The following PTPRD variants were observed in gnomAD, a reference collection of about 807,000 sequenced individuals.
The protein encoded by PTPRD is protein tyrosine phosphatase receptor type D.
In PTPRD, 34 loss-of-function variants were observed where a neutral mutation model predicts 214.5. The observed-to-expected ratio is 0.16, with a 90% CI of 0.12 to 0.21. PTPRD has a LOEUF of 0.21. Among genes scored for constraint, PTPRD ranks in the 10% least tolerant of loss-of-function variants. The pLI is 1.00. For synonymous variants in PTPRD, 1,128 were observed against 845.7 expected (o/e 1.33, Z -5.79); for missense variants, 2,545 against 2,398.7 (o/e 1.06, Z -1.27).
chr9:8,759,551 C>T (rs2154474676), intron 11 of PTPRD, among the ~76,000 whole-genome samples: 1 of 151,776 alleles, frequency 6.6e-6, no homozygotes, highest in Non-Finnish European at 1.5e-5. Context: ...CACTGTCAAT[C>T]TTACTCTGTT....
At chr9:9,351,866 G>C (rs2051311758) in intron 9 of PTPRD, among the ~76,000 whole-genome samples, 2 of 151,970 alleles carry the variant, frequency 1.3e-5, no homozygotes, top group African/African-American at 2.4e-5. Flanking sequence ...CCGTCCATTG[G>C]AGATAACATG....
chr9:10,579,735 T>C (rs1401744856), intron 2 of PTPRD, among the ~76,000 whole-genome samples: 1 of 152,200 alleles, frequency 6.6e-6, no homozygotes, highest in African/African-American at 2.4e-5. Flanking sequence ...TCAATGTGTA[T>C]AACTGTTCCC....
intron 5 of PTPRD, among the ~76,000 whole-genome samples, chr9:9,893,297 T>A (rs1487332866): frequency 6.6e-6 from 1 of 151,956 alleles, no homozygotes; most frequent in Admixed American, 6.6e-5. Context: ...AAATGTAAAT[T>A]GGGCTAAATG....
intron 2 of PTPRD, among the ~76,000 whole-genome samples, chr9:10,604,799 T>C (rs1403856341): frequency 6.6e-6 from 1 of 151,900 alleles, no homozygotes; most frequent in Non-Finnish European, 1.5e-5. Context: ...TATTATATAA[T>C]AAAATAGGAA....
chr9:10,104,306 G>T (rs1265123634), intron 3 of PTPRD, among the ~76,000 whole-genome samples: 1 of 151,648 alleles, frequency 6.6e-6, no homozygotes, highest in Admixed American at 6.6e-5. Context: ...GTTACAAATG[G>T]TTAAGGTGAT....
At chr9:9,585,860 G>A (rs1174677562) in intron 7 of PTPRD, among the ~76,000 whole-genome samples, 1 of 151,996 alleles carries the variant, frequency 6.6e-6, no homozygotes, top group Non-Finnish European at 1.5e-5. Context: ...GAATAAAAAG[G>A]GAAGGCTTGA....
chr9:9,589,199 T>G (rs1347410570), intron 7 of PTPRD, among the ~76,000 whole-genome samples: 1 of 151,934 alleles, frequency 6.6e-6, no homozygotes, highest in African/African-American at 2.4e-5. Context: ...TTGGTGTGTA[T>G]TTTTAAATAT....
intron 3 of PTPRD, among the ~76,000 whole-genome samples, chr9:10,139,244 G>A (rs893480150): frequency 1.3e-4 from 20 of 151,412 alleles, no homozygotes; most frequent in Admixed American, 6.6e-4. Context: ...TAACAGTCAA[G>A]CCGAGAGACA....
chr9:10,125,019 A>G (rs987135805), intron 3 of PTPRD, among the ~76,000 whole-genome samples: 1 of 152,170 alleles, frequency 6.6e-6, no homozygotes, highest in Non-Finnish European at 1.5e-5. Context: ...AAATACATCA[A>G]AGCAATGACT....
chr9:9,752,137 G>C (rs1030235193), intron 6 of PTPRD, among the ~76,000 whole-genome samples: 1 of 152,068 alleles, frequency 6.6e-6, no homozygotes, highest in African/African-American at 2.4e-5. Context: ...TCAATCCCCT[G>C]TAAATGGTTT....
intron 3 of PTPRD, among the ~76,000 whole-genome samples, chr9:10,117,954 A>G (rs766877970): frequency 7.2e-5 from 11 of 152,062 alleles, no homozygotes; most frequent in Non-Finnish European, 1.3e-4. Context: ...CTAGAGGTAA[A>G]CTATCTACCA....
chr9:10,272,956 G>C (rs949235359), intron 3 of PTPRD, among the ~76,000 whole-genome samples: 2 of 152,164 alleles, frequency 1.3e-5, no homozygotes, highest in African/African-American at 4.8e-5. Context: ...ATTCAGTAGA[G>C]ATGAAAAATG....
intron 10 of PTPRD, among the ~76,000 whole-genome samples, chr9:9,032,674 G>C (rs1269791433): frequency 6.6e-6 from 1 of 152,048 alleles, no homozygotes; most frequent in East Asian, 1.9e-4. Flanking sequence ...AATGTGCTCT[G>C]CTGGGAAGAA....
chr9:8,734,745 T>A (rs972015302), intron 11 of PTPRD, among the ~76,000 whole-genome samples: 2 of 152,124 alleles, frequency 1.3e-5, no homozygotes, highest in Non-Finnish European at 2.9e-5. Context: ...GTTTCCAGAT[T>A]AGTAGGGAAA....
chr9:10,307,978 T>C (rs2096138514), intron 3 of PTPRD, among the ~76,000 whole-genome samples: 1 of 152,028 alleles, frequency 6.6e-6, no homozygotes, highest in Non-Finnish European at 1.5e-5. Context: ...CCTTACAGGA[T>C]GAATAGTTTG....
chr9:10,536,522 C>G (rs1435810374), intron 2 of PTPRD, among the ~76,000 whole-genome samples: 2 of 152,058 alleles, frequency 1.3e-5, no homozygotes, highest in Non-Finnish European at 2.9e-5. Flanking sequence ...ACTTCCCTAT[C>G]CTATTAGGAA....
At chr9:9,523,709 A>G (rs188161702) in intron 8 of PTPRD, among the ~76,000 whole-genome samples, 34 of 152,228 alleles carry the variant, frequency 2.2e-4, no homozygotes, top group Admixed American at 1.7e-3. Context: ...TCCTTCCTTA[A>G]AACTATCTTC....
At chr9:10,060,848 C>CTTT (rs375192553) in intron 3 of PTPRD, among the ~76,000 whole-genome samples, 1 of 111,278 alleles carries the variant, frequency 9.0e-6, no homozygotes, top group South Asian at 2.5e-4. Flanking sequence ...TCCTTCCTTT[C>CTTT]CTTTCTTTCT....
At chr9:9,423,063 C>T (rs770968983) in intron 8 of PTPRD, among the ~76,000 whole-genome samples, 2 of 152,142 alleles carry the variant, frequency 1.3e-5, no homozygotes, top group Non-Finnish European at 2.9e-5. Flanking sequence ...AAACCTCATC[C>T]TCTTCCTCAT....
Sources: gnomAD v4.1 joint callset for allele counts (sites outside exome capture counted in the v4.1 genomes callset) on GRCh38, gnomAD v4.1.1 for gene constraint, MANE v1.5 for transcripts, NCBI Gene and HGNC (gene_info 2026-07-23, HGNC 2026-07-21) for gene names.